DDX31: variants seen among roughly 807,000 people sequenced by gnomAD.
The protein encoded by DDX31 is ATP-dependent DNA helicase DDX31.
A neutral mutation model predicts 91.3 loss-of-function variants in DDX31; 70 were observed. That is an observed-to-expected ratio of 0.77 (90% CI 0.63 to 0.94). The LOEUF (loss-of-function observed/expected upper bound fraction) is 0.94. Ranked by LOEUF, DDX31 falls within the 40% of genes least tolerant of loss-of-function variation. DDX31 has a pLI of 0.00. For synonymous variants in DDX31, 362 were observed against 350.6 expected (o/e 1.03, Z -0.36); for missense variants, 902 against 925.0 (o/e 0.98, Z 0.32).
At chr9:132,662,359 C>G (rs1835022266) in intron 2 of DDX31, 23 bp from the exon 3 acceptor site, 1 of 1,614,070 alleles carries the variant, frequency 6.2e-7, no homozygotes, top group Admixed American at 1.7e-5. Context: ...AACAAGAACC[C>G]AGGCATCAGT....
At chr9:132,611,780 C>T (rs553665270) in intron 19 of DDX31, among the ~76,000 whole-genome samples, 1 of 152,070 alleles carries the variant, frequency 6.6e-6, no homozygotes, top group South Asian at 2.1e-4. Context: ...TGCTCCCAGG[C>T]CTCGTCACAC....
At chr9:132,642,179 A>C in intron 13 of DDX31, 116 bp from the exon 14 acceptor site, 1 of 909,020 alleles carries the variant, frequency 1.1e-6, no homozygotes, top group Admixed American at 2.2e-5. Flanking sequence ...TCAGGCACAG[A>C]GAGGTTTGCC....
At chr9:132,669,262 C>CCG (rs1554774565) in intron 1 of DDX31, among the ~76,000 whole-genome samples, 1 of 139,798 alleles carries the variant, frequency 7.2e-6, no homozygotes, top group African/African-American at 2.6e-5. Context: ...GCCCGCCCCC[C>CCG]CCAAAGAACA....
chr9:132,642,051 CT>C lies in DDX31; in HGVS notation c.1392del (p.Val465CysfsTer23). On this transcript the variant is annotated frameshift_variant, in exon 14 of 20. Coordinates refer to ENST00000372159, the MANE Select transcript of DDX31 (RefSeq NM_022779.9). LOFTEE classifies it high-confidence loss of function. ...CTGGAATGTGAAAATTCCTGAAACACTGCTGTTCTTTCCTACAAAAACAAGG... is the reference window on the plus strand; with the variant it reads ...CTGGAATGTGAAAATTCCTGAAACACGCTGTTCTTTCCTACAAAAACAAGG... ...HGGMEQEERTAVFQEFSHSRR... is the reference protein window; with the variant it reads ...HGGMEQEERTXVFQEFSHSRR... The C allele has an allele frequency of 6.2e-7, 1 of 1,614,194 alleles. No individual in the cohort carries two copies. The highest frequency in any genetic ancestry group is 2.2e-5 in the East Asian group (1 of 44,896).
chr9:132,626,947 G>A (rs1186333802), intron 16 of DDX31, among the ~76,000 whole-genome samples: 3 of 152,072 alleles, frequency 2.0e-5, no homozygotes, highest in African/African-American at 7.2e-5. Flanking sequence ...GAGGGAGAGT[G>A]CCCTGACTTC....
chr9:132,597,024 AG>A (rs1348442266), intron 19 of DDX31, among the ~76,000 whole-genome samples: 1 of 152,118 alleles, frequency 6.6e-6, no homozygotes, highest in African/African-American at 2.4e-5. Flanking sequence ...AAGACATATA[AG>A]GGGGTAGCTG....
chr9:132,605,930 G>T (rs752284983), intron 19 of DDX31, among the ~76,000 whole-genome samples: 1 of 152,156 alleles, frequency 6.6e-6, no homozygotes, highest in African/African-American at 2.4e-5. Context: ...CGGTGCCGTG[G>T]CCACAGGAAG....
At chr9:132,620,443 A>G (rs1831953504) in intron 17 of DDX31, among the ~76,000 whole-genome samples, 2 of 151,696 alleles carry the variant, frequency 1.3e-5, no homozygotes, top group South Asian at 4.2e-4. Context: ...AATTACATAT[A>G]TATAATGTGA....
At chr9:132,622,408 C>T (rs1832086185) in intron 17 of DDX31, among the ~76,000 whole-genome samples, 1 of 148,140 alleles carries the variant, frequency 6.8e-6, no homozygotes, top group Admixed American at 6.7e-5. Flanking sequence ...AGGGCAGATG[C>T]TACCAAAAAA....
intron 18 of DDX31, among the ~76,000 whole-genome samples, chr9:132,613,290 T>TAAA (rs1456916695): frequency 1.6e-3 from 245 of 152,288 alleles, no homozygotes; most frequent in African/African-American, 5.6e-3. Flanking sequence ...AACAAATGTT[T>TAAA]AAAGGAGAAA....
intron 8 of DDX31, 152 bp from the exon 9 acceptor site, chr9:132,650,450 A>T: frequency 1.4e-6 from 1 of 712,984 alleles, no homozygotes; most frequent in East Asian, 2.7e-5. Flanking sequence ...ATTCCTAGGC[A>T]TTGCTACACC....
chr9:132,601,886 G>A (rs1830742082), intron 19 of DDX31, among the ~76,000 whole-genome samples: 1 of 152,134 alleles, frequency 6.6e-6, no homozygotes, highest in Non-Finnish European at 1.5e-5. Flanking sequence ...CACTTACAAC[G>A]ATTAATGAGC....
At chr9:132,660,238 G>A (rs1260929188) in intron 4 of DDX31, among the ~76,000 whole-genome samples, 1 of 151,734 alleles carries the variant, frequency 6.6e-6, no homozygotes, top group Non-Finnish European at 1.5e-5. Context: ...AGGAGGTTGA[G>A]GCAGGAGAAT....
Position 132,662,261 on chromosome 9 carries a change from T to C in DDX31, c.408A>G (p.Leu136=). ...AFHELGLHPH[L]ISTINTVLKM... ...CCAGAAAACACTGAAAGGTACTTACTAAATGTGGGTGGAGGCCCAGCTCAT... is the reference window on the plus strand; with the variant it reads ...CCAGAAAACACTGAAAGGTACTTACCAAATGTGGGTGGAGGCCCAGCTCAT... Residue 136 remains leucine, a splice_region_variant and synonymous_variant, in exon 3 of 20, where the codon TTA becomes TTG. Transcript: ENST00000372159. 4 of 1,614,164 alleles carry C rather than the reference T, an allele frequency of 2.5e-6. No individual in the cohort carries two copies. In the East Asian group the frequency reaches 6.7e-5, roughly 27 times the overall value.
At chr9:132,646,252 G>A (rs1293131510) in intron 12 of DDX31, among the ~76,000 whole-genome samples, 181 bp from the exon 13 acceptor site, 1 of 152,126 alleles carries the variant, frequency 6.6e-6, no homozygotes, top group Non-Finnish European at 1.5e-5. Context: ...AAGAATGCAG[G>A]AGAGGAAAAC....
In DDX31 at chr9:132,618,449, G is replaced by A. The variant is rs1470442752; in HGVS notation, c.1714-8C>T. On this transcript the variant is annotated splice_polypyrimidine_tract_variant and splice_region_variant and intron_variant, in intron 17 of 19. Transcript: ENST00000372159. Reference sequence around the variant, plus strand: ...GCCAACAGCATGGGATTTCTGAGAGGGCGACGGAAGGATTAAAGGAGAGAT... The same window carrying A: ...GCCAACAGCATGGGATTTCTGAGAGAGCGACGGAAGGATTAAAGGAGAGAT... 1 of 1,606,120 alleles carries A rather than the reference G, an allele frequency of 6.2e-7. No individual in the cohort carries two copies. The highest frequency in any genetic ancestry group is 1.7e-5 in the Admixed American group (1 of 58,834).
Position 132,612,138 on chromosome 9 carries a change from G to C in DDX31, c.1943C>G (p.Pro648Arg). 1.2e-6 allele frequency: 2 copies of C among 1,614,206 alleles called. No homozygotes were observed. Among genetic ancestry groups the C allele is most frequent in the Non-Finnish European group, 1.7e-6 (2 of 1,180,042 alleles). Reference protein sequence around the residue: ...VAKSFGLRDAPRNLSALTRKK... With the variant: ...VAKSFGLRDARRNLSALTRKK... ...TCTAGTCAAGGCACTAAGATTCCTG[G>C]GGGCATCTCTTAGTCCGAAGCTCTT... Residue 648 changes from proline to arginine, a missense_variant, in exon 19 of 20, where the codon CCC (proline) becomes CGC (arginine). Transcript: ENST00000372159.
intron 6 of DDX31, among the ~76,000 whole-genome samples, chr9:132,652,868 T>C (rs1177700791): frequency 2.6e-5 from 4 of 152,160 alleles, no homozygotes; most frequent in Non-Finnish European, 5.9e-5. Context: ...ATGTCTTTCG[T>C]CCTCTGCCAT....
intron 17 of DDX31, among the ~76,000 whole-genome samples, chr9:132,623,240 G>T (rs1384096582): frequency 6.6e-6 from 1 of 151,532 alleles, no homozygotes; most frequent in Non-Finnish European, 1.5e-5. Flanking sequence ...TCAACTTTAC[G>T]TGCGAAGAAA....
Sources: gnomAD v4.1 joint callset for allele counts (sites outside exome capture counted in the v4.1 genomes callset) on GRCh38, gnomAD v4.1.1 for gene constraint, MANE v1.5 for transcripts, NCBI Gene and HGNC (gene_info 2026-07-23, HGNC 2026-07-21) for gene names.